AGBL4: variants seen among roughly 807,000 people sequenced by gnomAD.
AGBL4 encodes AGBL carboxypeptidase 4.
AGBL4 carries 58 observed loss-of-function variants against 66.4 expected under a neutral mutation model. That is an observed-to-expected ratio of 0.87 (90% CI 0.71 to 1.09). The LOEUF is 1.09. Ranked by LOEUF, AGBL4 falls within the 50% of genes least tolerant of loss-of-function variation. The pLI, the probability that AGBL4 is intolerant of heterozygous loss-of-function variation, is 0.00. For missense variants in AGBL4, 579 were observed against 631.0 expected, an observed-to-expected ratio of 0.92 and a Z score of 0.88; for synonymous variants, 234 against 222.9, an observed-to-expected ratio of 1.05 and a Z score of -0.44.
intron 3 of AGBL4, among the ~76,000 whole-genome samples, chr1:49,522,458 T>C (rs1650341534): frequency 6.6e-6 from 1 of 152,152 alleles, no homozygotes; most frequent in African/African-American, 2.4e-5. Context: ...CACCTGTTTA[T>C]TGTGTGGGAA....
chr1:49,905,758 C>T lies in AGBL4; in HGVS notation c.35-54240G>A, dbSNP rs182484797. ...TTGGGTTAGGGAATACATTACACTA[C>T]AGTTGTAAGAATTATTAATATGACC... is the stretch of plus-strand genomic sequence containing the variant. On this transcript the variant is annotated intron_variant, in intron 1 of 13. Transcript: ENST00000371839. 3.4e-3 allele frequency among the ~76,000 whole-genome samples: 517 copies of T among 152,172 alleles called. 1 individual carries two copies. Among genetic ancestry groups the T allele is most frequent in the African/African-American group, 0.012 (488 of 41,530 alleles).
intron 4 of AGBL4, among the ~76,000 whole-genome samples, chr1:49,125,965 C>T (rs921830078): frequency 1.3e-5 from 2 of 152,068 alleles, no homozygotes; most frequent in Non-Finnish European, 2.9e-5. Context: ...AATATCAGTC[C>T]CATTTTTGTC....
chr1:49,667,349 T>A (rs896562069), intron 3 of AGBL4, among the ~76,000 whole-genome samples: 8 of 151,946 alleles, frequency 5.3e-5, no homozygotes, highest in African/African-American at 1.9e-4. Context: ...TTACTGCTAT[T>A]TGGGAGGCTG....
chr1:49,668,105 A>G (rs1400699510), intron 3 of AGBL4, among the ~76,000 whole-genome samples: 9 of 152,228 alleles, frequency 5.9e-5, no homozygotes, highest in Non-Finnish European at 8.8e-5. Context: ...AGTGAATTAA[A>G]GACACAGGTA....
chr1:49,052,304 G>C (rs1644232491), intron 4 of AGBL4, among the ~76,000 whole-genome samples: 1 of 152,156 alleles, frequency 6.6e-6, no homozygotes. Context: ...AATGCAGACA[G>C]AAACTCCAGG....
chr1:49,959,413 T>C (rs1456185052), intron 1 of AGBL4, among the ~76,000 whole-genome samples: 3 of 152,030 alleles, frequency 2.0e-5, no homozygotes, highest in Non-Finnish European at 4.4e-5. Flanking sequence ...GCAGGATTCA[T>C]AGAAACAGAA....
rs781480960 is a variant in AGBL4 at position 49,899,499 on chromosome 1, CA to C, written c.35-47982del. On this transcript the variant is annotated intron_variant, in intron 1 of 13. Transcript: ENST00000371839. ...TCAAAGGACACTTACTATATATCCA[CA>C]AAAAAAAAAAAGAAAACAAAAACTT... Among the ~76,000 whole-genome samples, 514 of 138,870 alleles carry C rather than the reference CA, an allele frequency of 3.7e-3. 1 individual carries two copies. The highest frequency in any genetic ancestry group is 0.011 in the African/African-American group (403 of 38,002). The allele number at this position is 138,870 out of a possible 152,430, so 91.1% of individuals were successfully genotyped here.
At chr1:48,662,028 T>C (rs1292307726) in intron 7 of AGBL4, among the ~76,000 whole-genome samples, 1 of 152,190 alleles carries the variant, frequency 6.6e-6, no homozygotes, top group African/African-American at 2.4e-5. Context: ...GGCAAGTCAC[T>C]GCCTCCCTGA....
At chr1:49,293,548 C>G (rs1364410864) in intron 3 of AGBL4, among the ~76,000 whole-genome samples, 1 of 152,136 alleles carries the variant, frequency 6.6e-6, no homozygotes, top group Admixed American at 6.5e-5. Flanking sequence ...AAAAAAGTTT[C>G]CAAAAAATTT....
chr1:49,344,142 T>C (rs1246155359), intron 3 of AGBL4, among the ~76,000 whole-genome samples: 1 of 152,160 alleles, frequency 6.6e-6, no homozygotes, highest in Non-Finnish European at 1.5e-5. Context: ...TGTCCTAGGC[T>C]TCACACCTGA....
At chr1:49,757,696 C>T (rs536040655) in intron 2 of AGBL4, among the ~76,000 whole-genome samples, 2 of 152,208 alleles carry the variant, frequency 1.3e-5, no homozygotes, top group South Asian at 4.2e-4. Context: ...TTGCCCTTGT[C>T]CTAGAGATCT....
At chr1:49,158,040 C>T (rs993449074) in intron 4 of AGBL4, among the ~76,000 whole-genome samples, 1 of 152,120 alleles carries the variant, frequency 6.6e-6, no homozygotes, top group Non-Finnish European at 1.5e-5. Context: ...TGCCTGTTCA[C>T]TCTAATGATA....
intron 4 of AGBL4, among the ~76,000 whole-genome samples, chr1:49,142,252 T>C (rs1222322945): frequency 1.3e-5 from 2 of 152,134 alleles, no homozygotes; most frequent in East Asian, 3.9e-4. Context: ...AACCAGTCTC[T>C]GGTGCCAAAA....
At chr1:49,985,062 G>T (rs1018189277) in intron 1 of AGBL4, among the ~76,000 whole-genome samples, 6 of 152,112 alleles carry the variant, frequency 3.9e-5, no homozygotes, top group African/African-American at 1.4e-4. Context: ...AGTACTACAT[G>T]CTTGGGAGAA....
intron 2 of AGBL4, among the ~76,000 whole-genome samples, chr1:49,787,330 G>A (rs539931525): frequency 3.0e-4 from 45 of 151,900 alleles, no homozygotes; most frequent in African/African-American, 8.9e-4. Flanking sequence ...GTAAAACCCC[G>A]TCTCCACTAA....
intron 3 of AGBL4, among the ~76,000 whole-genome samples, chr1:49,396,027 CCAAA>C (rs1303862538): frequency 6.6e-6 from 1 of 151,196 alleles, no homozygotes; most frequent in Non-Finnish European, 1.5e-5. Flanking sequence ...TCTACATCAA[CCAAA>C]TTATCCAGTA....
chr1:49,283,160 G>A (rs978558126), intron 3 of AGBL4, among the ~76,000 whole-genome samples: 5 of 152,158 alleles, frequency 3.3e-5, no homozygotes, highest in East Asian at 1.9e-4. Flanking sequence ...CTCCCAGCAC[G>A]CAGCTGGAGA....
At chr1:49,064,214 C>G (rs549368768) in intron 4 of AGBL4, among the ~76,000 whole-genome samples, 1 of 152,130 alleles carries the variant, frequency 6.6e-6, no homozygotes, top group African/African-American at 2.4e-5. Context: ...TTGTAGTGGA[C>G]GTTACTAAAT....
intron 5 of AGBL4, among the ~76,000 whole-genome samples, chr1:48,885,248 A>G (rs916716227): frequency 1.3e-5 from 2 of 152,252 alleles, no homozygotes; most frequent in African/African-American, 4.8e-5. Flanking sequence ...TCCAACTGCA[A>G]TGTCCATAAA....
Sources: gnomAD v4.1 joint callset for allele counts (sites outside exome capture counted in the v4.1 genomes callset) on GRCh38, gnomAD v4.1.1 for gene constraint, MANE v1.5 for transcripts, NCBI Gene and HGNC (gene_info 2026-07-23, HGNC 2026-07-21) for gene names.